GALNT13: variants seen among roughly 807,000 people sequenced by gnomAD.
The protein encoded by GALNT13 is polypeptide N-acetylgalactosaminyltransferase 13.
Under a neutral mutation model 64.2 loss-of-function variants are expected in GALNT13, and 28 were observed. The observed-to-expected ratio is 0.44, with a 90% CI of 0.32 to 0.60. GALNT13 has a LOEUF of 0.60. Among genes scored for constraint, GALNT13 ranks in the 20% least tolerant of loss-of-function variants. The pLI is 0.05. For missense variants in GALNT13, 577 were observed against 669.8 expected, an observed-to-expected ratio of 0.86 and a Z score of 1.53; for synonymous variants, 214 against 224.6, an observed-to-expected ratio of 0.95 and a Z score of 0.42.
chr2:153,760,546 C>T, the GALNT13 span, among the ~76,000 whole-genome samples: 1 of 151,874 alleles, frequency 6.6e-6, no homozygotes, highest in African/African-American at 2.4e-5. Flanking sequence ...GTGAATTTTC[C>T]AAGATTTCTT....
At chr2:154,276,387 T>G (rs1008024319) in intron 8 of GALNT13, among the ~76,000 whole-genome samples, 3 of 151,996 alleles carry the variant, frequency 2.0e-5, no homozygotes, top group African/African-American at 7.3e-5. Flanking sequence ...ATCTGGTTAA[T>G]TTTTGTATTT....
chr2:153,768,692 C>T, the GALNT13 span, among the ~76,000 whole-genome samples: 1 of 151,990 alleles, frequency 6.6e-6, no homozygotes, highest in Non-Finnish European at 1.5e-5. Context: ...CGGTGAAACC[C>T]CATCTCTACT....
intron 4 of GALNT13, among the ~76,000 whole-genome samples, chr2:154,216,967 T>TA (rs1343545565): frequency 2.0e-5 from 3 of 150,622 alleles, no homozygotes; most frequent in Admixed American, 1.3e-4. Context: ...TTTTTTTTTT[T>TA]ATTTTTTTAG....
At chr2:153,587,627 G>C in the GALNT13 span, among the ~76,000 whole-genome samples, 1 of 152,124 alleles carries the variant, frequency 6.6e-6, no homozygotes, top group African/African-American at 2.4e-5. Context: ...CCATGATTCA[G>C]TTACCTCCCA....
the GALNT13 span, among the ~76,000 whole-genome samples, chr2:153,316,572 C>T: frequency 3.8e-4 from 54 of 143,654 alleles, 1 homozygote; most frequent in Admixed American, 9.8e-4. Context: ...ACCAGACAGT[C>T]GGAGTTTGCA....
chr2:153,640,654 C>T, the GALNT13 span, among the ~76,000 whole-genome samples: 8 of 151,948 alleles, frequency 5.3e-5, no homozygotes, highest in Non-Finnish European at 1.0e-4. Flanking sequence ...TGGTGGCACA[C>T]GACTGTAGTC....
the GALNT13 span, among the ~76,000 whole-genome samples, chr2:153,226,444 G>A: frequency 1.3e-5 from 2 of 152,058 alleles, no homozygotes; most frequent in Non-Finnish European, 2.9e-5. Flanking sequence ...CAGAGTGGAG[G>A]AATCTGACAA....
intron 4 of GALNT13, among the ~76,000 whole-genome samples, chr2:154,148,553 A>G (rs1385434929): frequency 1.5e-4 from 23 of 151,790 alleles, no homozygotes; most frequent in East Asian, 3.9e-4. Context: ...CAGTGTAAAA[A>G]TGTTCCTATT....
At chr2:154,030,987 T>G (rs184462525) in intron 3 of GALNT13, among the ~76,000 whole-genome samples, 112 of 152,174 alleles carry the variant, frequency 7.4e-4, no homozygotes, top group Middle Eastern at 6.8e-3. Context: ...GCGCTGAAAA[T>G]AAAATGAATG....
intron 3 of GALNT13, among the ~76,000 whole-genome samples, chr2:153,982,915 G>A (rs1694562439): frequency 6.6e-6 from 1 of 151,992 alleles, no homozygotes; most frequent in East Asian, 1.9e-4. Flanking sequence ...AAGTTACCGG[G>A]TATATTTAAG....
the GALNT13 span, among the ~76,000 whole-genome samples, chr2:153,818,393 G>A: frequency 9.2e-5 from 14 of 152,216 alleles, no homozygotes; most frequent in African/African-American, 1.9e-4. Context: ...TGACTACCCC[G>A]CTGTTTCTCA....
At chr2:153,390,462 CA>C in the GALNT13 span, among the ~76,000 whole-genome samples, 1 of 150,726 alleles carries the variant, frequency 6.6e-6, no homozygotes, top group Non-Finnish European at 1.5e-5. Flanking sequence ...AAGTTAAAAA[CA>C]AAAAAAAGAA....
the GALNT13 span, among the ~76,000 whole-genome samples, chr2:153,353,611 T>TGAA: frequency 6.6e-6 from 1 of 152,134 alleles, no homozygotes; most frequent in Non-Finnish European, 1.5e-5. Context: ...TTTAACAAGT[T>TGAA]GAAGAATTTC....
the GALNT13 span, among the ~76,000 whole-genome samples, chr2:153,634,465 T>C: frequency 6.6e-6 from 1 of 151,498 alleles, no homozygotes; most frequent in African/African-American, 2.4e-5. Flanking sequence ...TCCTAGACTC[T>C]CTTCTTCATC....
chr2:153,922,902 A>T lies in GALNT13; in HGVS notation c.-104-21492A>T, dbSNP rs76491251. ...ATTTTTATTTTTTATTTTAATTTTT[A>T]AATTTTTTATTTTTTGAAACAGAGT... On this transcript the variant is annotated intron_variant, in intron 2 of 12. Coordinates refer to ENST00000392825, the MANE Select transcript of GALNT13 (RefSeq NM_052917.4). Among the ~76,000 whole-genome samples, 9 of 151,958 alleles carry T rather than the reference A, an allele frequency of 5.9e-5. No individual in the cohort carries two copies. The East Asian group carries it at 1.7e-3, about 29-fold the overall frequency.
At chr2:154,153,447 T>C (rs1033643460) in intron 4 of GALNT13, among the ~76,000 whole-genome samples, 10 of 152,314 alleles carry the variant, frequency 6.6e-5, no homozygotes, top group African/African-American at 2.4e-4. Flanking sequence ...AGAGAGCCAC[T>C]GCTCTCTTCA....
chr2:153,252,951 A>G, the GALNT13 span, among the ~76,000 whole-genome samples: 24 of 151,806 alleles, frequency 1.6e-4, no homozygotes, highest in African/African-American at 5.3e-4. Context: ...TTGGCGATGC[A>G]GGCTCTTTTT....
the GALNT13 span, among the ~76,000 whole-genome samples, chr2:153,207,188 A>G: frequency 6.6e-6 from 1 of 152,032 alleles, no homozygotes; most frequent in Admixed American, 6.5e-5. Context: ...CTTGTAATTC[A>G]CTTGCTGCAG....
chr2:153,688,991 G>GT, the GALNT13 span, among the ~76,000 whole-genome samples: 6 of 130,156 alleles, frequency 4.6e-5, no homozygotes, highest in Non-Finnish European at 6.3e-5. Flanking sequence ...TAGAGGTAGG[G>GT]GTGTGTGTGT....
Sources: allele counts gnomAD v4.1 joint callset (sites outside exome capture counted in the v4.1 genomes callset), GRCh38; gene constraint gnomAD v4.1.1; transcripts MANE v1.5; gene names NCBI Gene and HGNC (gene_info 2026-07-23, HGNC 2026-07-21).